TINAG: variants seen among roughly 807,000 people sequenced by gnomAD.
The protein encoded by TINAG is tubulointerstitial nephritis antigen.
Under a neutral mutation model 72.7 loss-of-function variants are expected in TINAG, and 83 were observed. The observed-to-expected ratio is 1.14, with a 90% CI of 0.96 to 1.37. The LOEUF is 1.37. TINAG is among the 40% of genes most tolerant of loss of function. The pLI, the probability that TINAG is intolerant of heterozygous loss-of-function variation, is 0.00. For synonymous variants in TINAG, 234 were observed against 189.9 expected (o/e 1.23, Z -1.91); for missense variants, 685 against 576.6 (o/e 1.19, Z -1.93).
At chr6:54,308,229 A>G, upstream of TINAG, 3 of 992,698 alleles carry the variant, frequency 3.0e-6, no homozygotes, top group Non-Finnish European at 4.5e-6. Flanking sequence ...TTTGAGAGGC[A>G]TGCAATAGTC....
chr6:54,384,379 T>G (rs1226764670), intron 10 of TINAG, among the ~76,000 whole-genome samples: 2 of 152,084 alleles, frequency 1.3e-5, no homozygotes, highest in African/African-American at 4.8e-5. Flanking sequence ...AATTCATGAA[T>G]GCAAACATTG....
intron 4 of TINAG, among the ~76,000 whole-genome samples, chr6:54,330,116 C>T (rs117225103): frequency 0.01 from 1,533 of 152,168 alleles, 38 homozygotes; most frequent in East Asian, 0.063. Flanking sequence ...GTGGACCGGG[C>T]GGACTTAATA....
At chr6:54,359,038 A>C (rs942692578) in intron 9 of TINAG, among the ~76,000 whole-genome samples, 5 of 151,844 alleles carry the variant, frequency 3.3e-5, no homozygotes, top group African/African-American at 1.2e-4. Context: ...TTCGGTACAG[A>C]ACAAAAGGTT....
In TINAG at chr6:54,324,177, T is replaced by A. The variant is rs3777648; in HGVS notation, c.510-2625T>A. On this transcript the variant is annotated intron_variant, in intron 3 of 10. Transcript: ENST00000259782. ...TAACAAACCATTCCAGGATTCAGCA[T>A]TTTAAAACGATAAGCTTTTCATCTT... Among the ~76,000 whole-genome samples the A allele has an allele frequency of 0.024, 3,716 of 152,282 alleles. 277 individuals are homozygous for A. The East Asian group carries it at 0.3, about 12-fold the overall frequency.
intron 4 of TINAG, among the ~76,000 whole-genome samples, chr6:54,329,861 C>CA (rs1337962749): frequency 1.3e-5 from 2 of 151,670 alleles, no homozygotes; most frequent in Non-Finnish European, 2.9e-5. Context: ...AAAGAAAGAT[C>CA]AAAAAAGACC....
chr6:54,343,484 G>T, intron 5 of TINAG, 135 bp downstream of exon 5: 2 of 946,068 alleles, frequency 2.1e-6, no homozygotes, highest in Non-Finnish European at 1.4e-6. Flanking sequence ...CATTATGATG[G>T]AAGAAAGTAA....
chr6:54,313,490 T>C (rs965310253), intron 1 of TINAG, among the ~76,000 whole-genome samples: 1 of 152,192 alleles, frequency 6.6e-6, no homozygotes, highest in Non-Finnish European at 1.5e-5. Context: ...CTAAGATTTA[T>C]TGAATACTTA....
chr6:54,367,800 C>A (rs1032942111), intron 9 of TINAG, among the ~76,000 whole-genome samples: 1 of 151,808 alleles, frequency 6.6e-6, no homozygotes, highest in Non-Finnish European at 1.5e-5. Context: ...ACCTACACAA[C>A]ATTTATTTCT....
At chr6:54,375,611 C>T (rs1264526627) in intron 9 of TINAG, among the ~76,000 whole-genome samples, 1 of 152,070 alleles carries the variant, frequency 6.6e-6, no homozygotes, top group Admixed American at 6.6e-5. Context: ...AACTTGTTCC[C>T]TCTCATTTAT....
chr6:54,334,102 C>T lies in TINAG; in HGVS notation c.624+7186C>T, dbSNP rs912557505. Among the ~76,000 whole-genome samples the T allele has an allele frequency of 3.3e-5, 5 of 152,302 alleles. No individual in the cohort carries two copies. In the South Asian group the frequency reaches 1.0e-3, roughly 32 times the overall value. ...TTTCTACCTCTCTTGTTATTACAAA[C>T]CTGTTACTCACAAATCTGCCGTGTT... On this transcript the variant is annotated intron_variant, in intron 4 of 10. Transcript: ENST00000259782.
At position 54,376,247 on chromosome 6, in the gene TINAG, C is replaced by A. The variant is rs149982673; in HGVS notation, c.1251-4279C>A. Among the ~76,000 whole-genome samples, 206 of 152,208 alleles carry A rather than the reference C, an allele frequency of 1.4e-3. 2 individuals carry two copies. The highest frequency in any genetic ancestry group is 0.012 in the Admixed American group (186 of 15,270). On this transcript the variant is annotated intron_variant, in intron 9 of 10. Transcript: ENST00000259782. ...AAAAGTGACACTTACAGAATTCTAT[C>A]TATTTATATTCTTGTTTTTCATTCC...
intron 9 of TINAG, among the ~76,000 whole-genome samples, chr6:54,363,870 G>T (rs966329132): frequency 2.6e-5 from 4 of 151,494 alleles, no homozygotes; most frequent in African/African-American, 9.7e-5. Context: ...AGCCTGGAAA[G>T]GTTGGTATTC....
At chr6:54,315,254 T>C (rs1784345766) in intron 1 of TINAG, among the ~76,000 whole-genome samples, 1 of 152,128 alleles carries the variant, frequency 6.6e-6, no homozygotes, top group African/African-American at 2.4e-5. Flanking sequence ...CTATGTACAT[T>C]ATCTTCAGGA....
At position 54,321,311 on chromosome 6, in the gene TINAG, A is replaced by G. The variant is rs779547573; in HGVS notation, c.434A>G (p.Gln145Arg). Residue 145 changes from glutamine (Q) to arginine (R), a missense_variant, in exon 3 of 11, where the codon CAG becomes CGG. Physicochemically the swap from Gln to Arg is conservative, Grantham distance 43. Coordinates refer to ENST00000259782, the MANE Select transcript of TINAG (RefSeq NM_014464.4). ...TATCTTTGCAGCACATGCTCAGGAC[A>G]GCAATGGAAATGTTCCCAGCATGTA... Reference protein sequence around the residue: ...ENCNSCTCSGQQWKCSQHVCL... With the variant: ...ENCNSCTCSGRQWKCSQHVCL... 4 of 1,613,668 alleles carry G rather than the reference A, an allele frequency of 2.5e-6. No individual in the cohort carries two copies. The African/African-American group carries it at 5.3e-5, about 22-fold the overall frequency.
intron 9 of TINAG, among the ~76,000 whole-genome samples, chr6:54,375,623 C>G (rs1323009580): frequency 6.6e-6 from 1 of 152,112 alleles, no homozygotes; most frequent in Admixed American, 6.6e-5. Flanking sequence ...CTCATTTATT[C>G]CCTCTGCCAA....
At chr6:54,382,700 T>A (rs184418509) in intron 10 of TINAG, among the ~76,000 whole-genome samples, 2 of 152,170 alleles carry the variant, frequency 1.3e-5, no homozygotes, top group Non-Finnish European at 2.9e-5. Context: ...CATAGCAGCA[T>A]GCATCTCCCA....
At chr6:54,381,216 C>G (rs1311547821) in intron 10 of TINAG, among the ~76,000 whole-genome samples, 1 of 148,914 alleles carries the variant, frequency 6.7e-6, no homozygotes. Context: ...TGTGTCTTTA[C>G]TCAGAAAGAA....
At chr6:54,327,529 T>G (rs1186932707) in intron 4 of TINAG, among the ~76,000 whole-genome samples, 1 of 152,054 alleles carries the variant, frequency 6.6e-6, no homozygotes, top group Non-Finnish European at 1.5e-5. Flanking sequence ...GGGTGGCCAT[T>G]TGGGCAGACA....
chr6:54,365,960 T>A (rs1035452473), intron 9 of TINAG, among the ~76,000 whole-genome samples: 12 of 151,254 alleles, frequency 7.9e-5, no homozygotes, highest in African/African-American at 2.9e-4. Flanking sequence ...AGCCTAGGAG[T>A]TCATGAACAG....
Sources: gnomAD v4.1 joint callset for allele counts (sites outside exome capture counted in the v4.1 genomes callset) on GRCh38, gnomAD v4.1.1 for gene constraint, MANE v1.5 for transcripts, NCBI Gene and HGNC (gene_info 2026-07-23, HGNC 2026-07-21) for gene names.